HEXB: variants seen among roughly 807,000 people sequenced by gnomAD.
HEXB encodes beta-hexosaminidase subunit beta.
A neutral mutation model predicts 71.2 loss-of-function variants in HEXB; 51 were observed. The observed-to-expected ratio is 0.72, with a 90% CI of 0.57 to 0.90. HEXB has a LOEUF of 0.90. HEXB is among the 40% of genes least tolerant of loss of function. The pLI is 0.00. For missense variants in HEXB, 617 were observed against 677.0 expected (o/e 0.91, Z 0.98); for synonymous variants, 266 against 249.3 (o/e 1.07, Z -0.63).
At chr5:74,667,367 C>T (rs527915369) in intron 1 of HEXB, among the ~76,000 whole-genome samples, 8 of 151,802 alleles carry the variant, frequency 5.3e-5, no homozygotes, top group Admixed American at 1.3e-4. Flanking sequence ...TGTGGTAAGC[C>T]GAAATCACGC....
chr5:74,685,654 A>C (rs1174618833), intron 1 of HEXB, 95 bp downstream of exon 1: 1 of 1,188,906 alleles, frequency 8.4e-7, no homozygotes, highest in African/African-American at 1.6e-5. Flanking sequence ...CCCACTGCGC[A>C]GACGAGAAAC....
rs957093606 is a variant in HEXB, at chr5:74,685,361, C to T, written c.101C>T (p.Ala34Val). The T allele has an allele frequency of 1.3e-6, 2 of 1,586,970 alleles. No individual in the cohort carries two copies. The highest frequency in any genetic ancestry group is 1.3e-5 in the African/African-American group (1 of 74,080). ...ATGTTGGCGCTGCTGACTCAGGTGGCGCTGGTGGTGCAGGTGGCGGAGGCG... is the reference window on the plus strand; with the variant it reads ...ATGTTGGCGCTGCTGACTCAGGTGGTGCTGGTGGTGCAGGTGGCGGAGGCG... ...AAMLALLTQV[A>V]LVVQVAEAAR... The change falls in exon 1 of 14, where the codon GCG becomes GTG. Residue 34 changes from alanine (A) to valine (V), a missense_variant. By Grantham distance (64) the Ala-to-Val change is moderately conservative (BLOSUM62 0). Transcript: ENST00000261416.
intron 1 of HEXB, among the ~76,000 whole-genome samples, chr5:74,668,026 GT>G (rs1748465037): frequency 6.6e-6 from 1 of 152,108 alleles, no homozygotes; most frequent in South Asian, 2.1e-4. Context: ...CAGACAACCT[GT>G]CCTATTGCTC....
At chr5:74,644,727 A>C (rs940121182) in intron 1 of HEXB, among the ~76,000 whole-genome samples, 2 of 143,468 alleles carry the variant, frequency 1.4e-5, no homozygotes, top group Non-Finnish European at 3.0e-5. Context: ...AATATCTGTC[A>C]TGATAAACCT....
At chr5:74,711,129 T>C (rs1205171479) in intron 6 of HEXB, among the ~76,000 whole-genome samples, 18 of 151,260 alleles carry the variant, frequency 1.2e-4, no homozygotes, top group South Asian at 4.2e-4. Context: ...GAAATAACGC[T>C]GCATATCTAC....
intron 9 of HEXB, 60 bp downstream of exon 9, chr5:74,716,733 T>G: frequency 9.2e-7 from 1 of 1,081,532 alleles, no homozygotes; most frequent in Non-Finnish European, 1.4e-6. Context: ...TATTTAGTAA[T>G]GTGCTTTATT....
intron 1 of HEXB, among the ~76,000 whole-genome samples, chr5:74,653,095 C>T (rs1238825315): frequency 6.6e-6 from 1 of 152,116 alleles, no homozygotes; most frequent in Non-Finnish European, 1.5e-5. Context: ...AGCTTGACTA[C>T]AGTAGGAGGC....
At chr5:74,672,191 T>C (rs560434650) in intron 1 of HEXB, among the ~76,000 whole-genome samples, 37 of 152,244 alleles carry the variant, frequency 2.4e-4, no homozygotes, top group Middle Eastern at 6.8e-3. Context: ...CTCATCCATC[T>C]CCCTGCCTGT....
At chr5:74,687,661 G>T (rs1748904036) in intron 1 of HEXB, among the ~76,000 whole-genome samples, 1 of 152,064 alleles carries the variant, frequency 6.6e-6, no homozygotes, top group Admixed American at 6.5e-5. Context: ...AAAGCTGCCA[G>T]CAGCTTTAAT....
chr5:74,670,561 G>A (rs1748515278), intron 1 of HEXB, among the ~76,000 whole-genome samples: 1 of 152,188 alleles, frequency 6.6e-6, no homozygotes, highest in Non-Finnish European at 1.5e-5. Flanking sequence ...CATGTAACAG[G>A]AAGTAGCAGC....
At chr5:74,693,456 T>C in intron 2 of HEXB, 183 bp from the exon 3 acceptor site, 2 of 658,576 alleles carry the variant, frequency 3.0e-6, no homozygotes, top group East Asian at 5.6e-5. Flanking sequence ...TGTTGGGGCA[T>C]GTGGAGTCGA....
intron 1 of HEXB, among the ~76,000 whole-genome samples, chr5:74,647,324 A>G (rs994428386): frequency 2.0e-5 from 3 of 152,258 alleles, no homozygotes; most frequent in Admixed American, 1.3e-4. Context: ...CTGGGCATGA[A>G]GAAGGGACTA....
At chr5:74,719,839 G>A in intron 11 of HEXB, 1 of 156,866 alleles carries the variant, frequency 6.4e-6, no homozygotes, top group Non-Finnish European at 1.4e-5. Flanking sequence ...CTATTCGGGA[G>A]GCTGAGGCAG....
chr5:74,698,869 T>C (rs1273007811), intron 5 of HEXB, among the ~76,000 whole-genome samples: 1 of 152,134 alleles, frequency 6.6e-6, no homozygotes, highest in Non-Finnish European at 1.5e-5. Flanking sequence ...ATGTGCTACT[T>C]GTCTCATTTT....
intron 8 of HEXB, among the ~76,000 whole-genome samples, chr5:74,715,990 C>T (rs900721985): frequency 8.3e-6 from 1 of 120,044 alleles, no homozygotes; most frequent in African/African-American, 3.3e-5. Flanking sequence ...GTACTCCAGA[C>T]TGAGTGACAG....
At chr5:74,654,293 A>T (rs1298942196) in intron 1 of HEXB, among the ~76,000 whole-genome samples, 1 of 152,202 alleles carries the variant, frequency 6.6e-6, no homozygotes, top group Admixed American at 6.5e-5. Context: ...TGATTCAAGA[A>T]GTCTGGGATG....
At chr5:74,682,455 T>G (rs182812538), upstream of HEXB, among the ~76,000 whole-genome samples, 269 of 152,328 alleles carry the variant, frequency 1.8e-3, no homozygotes, top group African/African-American at 6.3e-3. Flanking sequence ...TGAGATAATC[T>G]AATCCAGAAT....
At chr5:74,710,869 TTA>T (rs1749523841) in intron 6 of HEXB, among the ~76,000 whole-genome samples, 1 of 152,028 alleles carries the variant, frequency 6.6e-6, no homozygotes. Context: ...CCAAGGTAAT[TTA>T]TAGATTCAAT....
At chr5:74,715,768 G>C in intron 8 of HEXB, 78 bp downstream of exon 8, 1 of 1,044,472 alleles carries the variant, frequency 9.6e-7, no homozygotes, top group South Asian at 1.3e-5. Flanking sequence ...TATAATCCCA[G>C]CACTTTGGGA....
Sources: allele counts gnomAD v4.1 joint callset (sites outside exome capture counted in the v4.1 genomes callset), GRCh38; gene constraint gnomAD v4.1.1; transcripts MANE v1.5; gene names NCBI Gene and HGNC (gene_info 2026-07-23, HGNC 2026-07-21).